Variants in MAD1L1 observed in about 807,000 individuals in gnomAD.
MAD1L1 encodes mitotic arrest deficient 1 like 1.
MAD1L1 carries 95 observed loss-of-function variants against 96.9 expected under a neutral mutation model. That is an observed-to-expected ratio of 0.98 (90% confidence interval 0.83 to 1.16). MAD1L1 has a LOEUF of 1.16. Ranked by LOEUF, MAD1L1 falls within the 50% of genes most tolerant of loss-of-function variation. The pLI is 0.00. For synonymous variants in MAD1L1, 473 were observed against 396.6 expected, an observed-to-expected ratio of 1.19 and a Z score of -2.29; for missense variants, 1,007 against 954.4, an observed-to-expected ratio of 1.06 and a Z score of -0.73.
At chr7:1,822,956 A>G (rs1214020909) in intron 18 of MAD1L1, among the ~76,000 whole-genome samples, 1 of 152,088 alleles carries the variant, frequency 6.6e-6, no homozygotes, top group East Asian at 1.9e-4. Context: ...AGAGACCCAC[A>G]GACGCGTCCA....
At chr7:2,150,403 G>C (rs987867215) in intron 10 of MAD1L1, among the ~76,000 whole-genome samples, 2 of 152,128 alleles carry the variant, frequency 1.3e-5, no homozygotes, top group African/African-American at 4.8e-5. Flanking sequence ...TCTGCCCTGA[G>C]ACAGCCACTG....
chr7:2,022,967 G>C (rs1028789686), intron 12 of MAD1L1, among the ~76,000 whole-genome samples: 4 of 152,138 alleles, frequency 2.6e-5, no homozygotes, highest in African/African-American at 9.7e-5. Flanking sequence ...CCGATAAAAA[G>C]GTCATTTCTC....
intron 18 of MAD1L1, among the ~76,000 whole-genome samples, chr7:1,862,328 G>A (rs1784573601): frequency 6.6e-6 from 1 of 152,230 alleles, no homozygotes; most frequent in Non-Finnish European, 1.5e-5. Context: ...CTGGGAGGCA[G>A]AAGCAGCCAC....
intron 18 of MAD1L1, among the ~76,000 whole-genome samples, chr7:1,838,303 G>A (rs1783044617): frequency 6.6e-6 from 1 of 152,230 alleles, no homozygotes; most frequent in African/African-American, 2.4e-5. Flanking sequence ...AAATTACCAT[G>A]TGACCCTGGC....
At chr7:2,057,503 G>T (rs1784430899) in intron 12 of MAD1L1, among the ~76,000 whole-genome samples, 1 of 152,078 alleles carries the variant, frequency 6.6e-6, no homozygotes, top group South Asian at 2.1e-4. Context: ...ATCAGAACAA[G>T]ACTCCATTCC....
intron 10 of MAD1L1, among the ~76,000 whole-genome samples, chr7:2,166,909 C>T (rs916338392): frequency 4.6e-5 from 7 of 152,234 alleles, no homozygotes; most frequent in African/African-American, 1.4e-4. Flanking sequence ...CTGGGCGGCG[C>T]ACTCCGCTCA....
chr7:1,886,897 C>G (rs1016131328), intron 18 of MAD1L1, among the ~76,000 whole-genome samples: 21 of 152,386 alleles, frequency 1.4e-4, no homozygotes, highest in African/African-American at 5.0e-4. Flanking sequence ...GGGTGTGCAG[C>G]CGGACTCCAG....
chr7:2,225,116 T>G (rs1793815460), intron 4 of MAD1L1, among the ~76,000 whole-genome samples: 1 of 152,228 alleles, frequency 6.6e-6, no homozygotes, highest in African/African-American at 2.4e-5. Flanking sequence ...GCATAACTGA[T>G]ACCTGCCCCA....
chr7:1,966,663 G>A (rs1290195251), intron 15 of MAD1L1, among the ~76,000 whole-genome samples: 3 of 149,110 alleles, frequency 2.0e-5, no homozygotes, highest in African/African-American at 7.4e-5. Context: ...ACATCCAAAC[G>A]AAACTGCTGA....
intron 12 of MAD1L1, among the ~76,000 whole-genome samples, chr7:2,033,734 G>A (rs1783337109): frequency 6.6e-6 from 1 of 152,226 alleles, no homozygotes; most frequent in African/African-American, 2.4e-5. Flanking sequence ...AGCAGTCACG[G>A]GCGCTTCTGG....
intron 17 of MAD1L1, among the ~76,000 whole-genome samples, chr7:1,917,165 A>AAC (rs376834371): frequency 9.2e-5 from 14 of 152,306 alleles, no homozygotes; most frequent in African/African-American, 3.4e-4. Context: ...CGATGCTCAG[A>AAC]ACACACACGG....
chr7:2,080,284 C>T (rs990811702), intron 11 of MAD1L1, among the ~76,000 whole-genome samples: 1 of 152,244 alleles, frequency 6.6e-6, no homozygotes, highest in Non-Finnish European at 1.5e-5. Context: ...ATTTACCATA[C>T]GGCTCTTTAC....
At chr7:1,853,910 G>C (rs1399765523) in intron 18 of MAD1L1, among the ~76,000 whole-genome samples, 1 of 152,186 alleles carries the variant, frequency 6.6e-6, no homozygotes, top group African/African-American at 2.4e-5. Flanking sequence ...AGAAAGTCCT[G>C]TCAGGAGCCA....
rs1055354155 is a variant in MAD1L1, at chr7:1,815,876, G to A, written c.*194C>T. On this transcript the variant is annotated 3_prime_UTR_variant, in exon 19 of 19. Coordinates refer to ENST00000265854, the MANE Select transcript of MAD1L1 (RefSeq NM_001013836.2). Reference sequence around the variant, plus strand: ...CCACACACCAGGCTCCGGGACGCATGGGGTCTGCACGTGGAGAGGGTGCTG... The same window carrying A: ...CCACACACCAGGCTCCGGGACGCATAGGGTCTGCACGTGGAGAGGGTGCTG... 1 of 602,258 alleles carries A rather than the reference G, an allele frequency of 1.7e-6. No homozygotes were observed. Among genetic ancestry groups the A allele is most frequent in the Admixed American group, 3.2e-5 (1 of 31,272 alleles). 37.3% of individuals were successfully genotyped at this position (602,258 alleles called of 1,614,324 possible). A position where few individuals can be genotyped will look rare whatever the true frequency, so the allele number is the denominator to read the frequency against.
chr7:2,164,196 A>T (rs2128590498), intron 10 of MAD1L1, among the ~76,000 whole-genome samples: 1 of 152,366 alleles, frequency 6.6e-6, no homozygotes, highest in South Asian at 2.1e-4. Context: ...TTCTCTATCC[A>T]CTGGCCTCTT....
intron 11 of MAD1L1, among the ~76,000 whole-genome samples, chr7:2,134,068 T>C (rs1318402823): frequency 6.6e-6 from 1 of 152,222 alleles, no homozygotes; most frequent in Non-Finnish European, 1.5e-5. Flanking sequence ...CAAATATAAC[T>C]TGCTGGGATT....
chr7:1,911,915 G>A (rs1172632236), intron 17 of MAD1L1, among the ~76,000 whole-genome samples: 4 of 152,388 alleles, frequency 2.6e-5, no homozygotes, highest in Middle Eastern at 3.4e-3. Flanking sequence ...TGTGTGAGCT[G>A]CCTGAAGGCA....
intron 17 of MAD1L1, among the ~76,000 whole-genome samples, chr7:1,901,556 T>C (rs569605724): frequency 5.3e-5 from 8 of 152,310 alleles, no homozygotes; most frequent in Admixed American, 2.6e-4. Flanking sequence ...GGCGAGACAG[T>C]GGTGCAGCCT....
rs544670352 is a variant in MAD1L1, at chr7:1,949,222, G to A, written c.1596+8407C>T. 2.4e-4 allele frequency among the ~76,000 whole-genome samples: 37 copies of A among 152,334 alleles called. 1 individual carries two copies. In the South Asian group the frequency reaches 6.0e-3, roughly 25 times the overall value. On this transcript the variant is annotated intron_variant, in intron 16 of 18. Coordinates refer to ENST00000265854, the MANE Select transcript of MAD1L1 (RefSeq NM_001013836.2). ...CTTGCTCTCTGAGCCTCGATCTGCT[G>A]TCTGTAGAGTGGTGGCTATGGTGAC... is the stretch of plus-strand genomic sequence containing the variant.
Sources: allele counts gnomAD v4.1 joint callset (sites outside exome capture counted in the v4.1 genomes callset), GRCh38; gene constraint gnomAD v4.1.1; transcripts MANE v1.5; gene names NCBI Gene and HGNC (gene_info 2026-07-23, HGNC 2026-07-21).